MLLT3: variants seen among roughly 807,000 people sequenced by gnomAD.
The protein encoded by MLLT3 is protein AF-9.
In MLLT3, 4 loss-of-function variants were observed where a neutral mutation model predicts 53.2. That is an observed-to-expected ratio of 0.08 (90% confidence interval 0.04 to 0.17). The LOEUF (loss-of-function observed/expected upper bound fraction) is 0.17. MLLT3 is among the 10% of genes least tolerant of loss of function. The pLI is 1.00. For missense variants in MLLT3, 569 were observed against 684.0 expected, an observed-to-expected ratio of 0.83 and a Z score of 1.87; for synonymous variants, 283 against 230.6, an observed-to-expected ratio of 1.23 and a Z score of -2.06.
At chr9:20,604,770 G>A (rs532756526) in intron 2 of MLLT3, among the ~76,000 whole-genome samples, 2 of 152,028 alleles carry the variant, frequency 1.3e-5, no homozygotes, top group Admixed American at 6.6e-5. Flanking sequence ...TAACCAGATC[G>A]TTTCTATTTC....
At chr9:20,545,520 C>G (rs1423000821) in intron 2 of MLLT3, among the ~76,000 whole-genome samples, 1 of 152,132 alleles carries the variant, frequency 6.6e-6, no homozygotes, top group Non-Finnish European at 1.5e-5. Flanking sequence ...CAAAAGTATA[C>G]TGTACATTTG....
At chr9:20,565,796 AAAAC>A (rs1439028373) in intron 2 of MLLT3, among the ~76,000 whole-genome samples, 3 of 150,428 alleles carry the variant, frequency 2.0e-5, no homozygotes, top group Non-Finnish European at 4.4e-5. Context: ...AGTCACTACC[AAAAC>A]CCTGAACATA....
chr9:20,439,434 GAAA>G (rs200753760), intron 4 of MLLT3, among the ~76,000 whole-genome samples: 1 of 115,184 alleles, frequency 8.7e-6, no homozygotes. Flanking sequence ...CAGTCATCAG[GAAA>G]AAAAAAAAAA....
chr9:20,588,853 A>C (rs1015867834), intron 2 of MLLT3, among the ~76,000 whole-genome samples: 9 of 152,084 alleles, frequency 5.9e-5, no homozygotes, highest in Non-Finnish European at 8.8e-5. Flanking sequence ...ATCACTGGCC[A>C]TCAGAGAAAT....
chr9:20,591,843 G>A (rs990773890), intron 2 of MLLT3, among the ~76,000 whole-genome samples: 3 of 152,152 alleles, frequency 2.0e-5, no homozygotes, highest in Non-Finnish European at 4.4e-5. Flanking sequence ...AAATGGAAAA[G>A]AAAGGAAGAG....
chr9:20,349,419 A>G (rs1469990671), intron 10 of MLLT3, among the ~76,000 whole-genome samples: 1 of 152,186 alleles, frequency 6.6e-6, no homozygotes, highest in Non-Finnish European at 1.5e-5. Flanking sequence ...CACATGAATT[A>G]TAGACCTGAT....
chr9:20,524,911 T>C (rs1486131256), intron 2 of MLLT3, among the ~76,000 whole-genome samples: 2 of 152,018 alleles, frequency 1.3e-5, no homozygotes, highest in African/African-American at 4.8e-5. Context: ...TAAATCCTTG[T>C]GAGCAGCTTC....
intron 6 of MLLT3, 107 bp downstream of exon 6, chr9:20,365,562 A>T: frequency 8.1e-7 from 1 of 1,230,248 alleles, no homozygotes; most frequent in Non-Finnish European, 1.2e-6. Flanking sequence ...GTTAGCTAGG[A>T]TGGTCTTGAT....
At chr9:20,418,654 G>A (rs1822935249) in intron 4 of MLLT3, among the ~76,000 whole-genome samples, 1 of 152,110 alleles carries the variant, frequency 6.6e-6, no homozygotes, top group Admixed American at 6.5e-5. Flanking sequence ...TGCCCAGGCT[G>A]GAATGCAGTG....
At chr9:20,589,821 CT>C (rs1820081523) in intron 2 of MLLT3, among the ~76,000 whole-genome samples, 1 of 151,262 alleles carries the variant, frequency 6.6e-6, no homozygotes, top group South Asian at 2.1e-4. Context: ...AGTGATTCTT[CT>C]GCCTCAGCCT....
At chr9:20,463,572 T>C (rs1386054801) in intron 2 of MLLT3, among the ~76,000 whole-genome samples, 5 of 152,152 alleles carry the variant, frequency 3.3e-5, no homozygotes, top group African/African-American at 4.8e-5. Context: ...CTAAAATTGA[T>C]AGTGCTTCTC....
chr9:20,529,169 T>A (rs900570569), intron 2 of MLLT3, among the ~76,000 whole-genome samples: 7 of 152,168 alleles, frequency 4.6e-5, no homozygotes, highest in African/African-American at 1.7e-4. Flanking sequence ...GCAGCCTAGG[T>A]TTGGTTGGAT....
chr9:20,610,675 C>G (rs1487439236), intron 2 of MLLT3, among the ~76,000 whole-genome samples: 1 of 152,094 alleles, frequency 6.6e-6, no homozygotes, highest in African/African-American at 2.4e-5. Flanking sequence ...CCCATCCTTT[C>G]TGATGTGTAA....
intron 2 of MLLT3, among the ~76,000 whole-genome samples, chr9:20,457,997 C>A (rs528299954): frequency 6.6e-6 from 1 of 152,166 alleles, no homozygotes; most frequent in Non-Finnish European, 1.5e-5. Context: ...TTGTCACCTA[C>A]CAAAACCCCT....
At chr9:20,442,545 T>C (rs1823580885) in intron 4 of MLLT3, among the ~76,000 whole-genome samples, 1 of 152,064 alleles carries the variant, frequency 6.6e-6, no homozygotes, top group Non-Finnish European at 1.5e-5. Context: ...AGTTGAGAAA[T>C]TAGAAGTGTT....
intron 2 of MLLT3, among the ~76,000 whole-genome samples, chr9:20,587,975 G>A (rs576940334): frequency 6.0e-5 from 9 of 150,256 alleles, no homozygotes; most frequent in African/African-American, 1.9e-4. Flanking sequence ...ATGGTTTTAG[G>A]TCTAACATTT....
intron 2 of MLLT3, among the ~76,000 whole-genome samples, chr9:20,545,894 T>A (rs577461131): frequency 6.7e-6 from 1 of 149,108 alleles, no homozygotes; most frequent in South Asian, 2.1e-4. Flanking sequence ...AATTAGCATC[T>A]CCAGTCCCAG....
chr9:20,490,626 G>C (rs1161160544), intron 2 of MLLT3, among the ~76,000 whole-genome samples: 1 of 152,228 alleles, frequency 6.6e-6, no homozygotes, highest in Non-Finnish European at 1.5e-5. Context: ...CCACAGCAGA[G>C]AAACAAGTTG....
At chr9:20,410,871 C>T (rs920800270) in intron 5 of MLLT3, among the ~76,000 whole-genome samples, 1 of 152,168 alleles carries the variant, frequency 6.6e-6, no homozygotes, top group African/African-American at 2.4e-5. Context: ...TTTTCCCCAG[C>T]CTTCCTTATA....
Sources: allele counts gnomAD v4.1 joint callset (sites outside exome capture counted in the v4.1 genomes callset), GRCh38; gene constraint gnomAD v4.1.1; transcripts MANE v1.5; gene names NCBI Gene and HGNC (gene_info 2026-07-23, HGNC 2026-07-21).